The following PCDHGA1 variants were observed in gnomAD, a reference collection of about 807,000 sequenced individuals.
PCDHGA1 encodes the protein protocadherin gamma-A1.
In PCDHGA1, 32 loss-of-function variants were observed where a neutral mutation model predicts 58.0. The observed-to-expected ratio is 0.55, with a 90% CI of 0.42 to 0.74. The LOEUF is 0.74. PCDHGA1 is among the 30% of genes least tolerant of loss of function. The pLI, the probability that PCDHGA1 is intolerant of heterozygous loss-of-function variation, is 0.00. For synonymous variants in PCDHGA1, 498 were observed against 501.1 expected (o/e 0.99, Z 0.08); for missense variants, 1,205 against 1,182.3 (o/e 1.02, Z -0.28).
chr5:141,344,120 T>G (rs746958849), intron 1 of PCDHGA1: 6 of 1,613,896 alleles, frequency 3.7e-6, no homozygotes, highest in African/African-American at 1.3e-5. Flanking sequence ...CAGGATCCGG[T>G]CAGATCCGCT....
chr5:141,419,692 C>T (rs2096416788), intron 1 of PCDHGA1: 15 of 1,612,780 alleles, frequency 9.3e-6, no homozygotes, highest in Non-Finnish European at 1.3e-5. Context: ...TGGTGCAGGC[C>T]AGTGAGCCCG....
At chr5:141,438,248 C>A (rs1370527448) in intron 1 of PCDHGA1, among the ~76,000 whole-genome samples, 1 of 151,970 alleles carries the variant, frequency 6.6e-6, no homozygotes, top group Non-Finnish European at 1.5e-5. Flanking sequence ...AAAAAACTGT[C>A]ATTGAAGAGA....
chr5:141,397,820 C>G (rs2093573235), intron 1 of PCDHGA1, among the ~76,000 whole-genome samples: 1 of 152,240 alleles, frequency 6.6e-6, no homozygotes, highest in Non-Finnish European at 1.5e-5. Flanking sequence ...AAAACAATTA[C>G]TGCACTGGTT....
At chr5:141,381,975 G>A (rs1408994703) in intron 1 of PCDHGA1, among the ~76,000 whole-genome samples, 4 of 151,294 alleles carry the variant, frequency 2.6e-5, no homozygotes, top group South Asian at 2.1e-4. Flanking sequence ...GATTACAGGC[G>A]CGCGCCACCA....
At chr5:141,378,101 A>C (rs1018772587) in intron 1 of PCDHGA1, 21 of 152,208 alleles carry the variant, frequency 1.4e-4, no homozygotes, top group Admixed American at 1.0e-3. Flanking sequence ...TCAAACTCTA[A>C]AGCAGCATAG....
Position 141,415,335 on chromosome 5 carries a change from G to T in PCDHGA1, c.2422-79472G>T, listed in dbSNP as rs779617513. On this transcript the variant is annotated intron_variant, in intron 1 of 3. Coordinates refer to ENST00000517417, the MANE Select transcript of PCDHGA1 (RefSeq NM_018912.3). ...TCATCGTGCTGCTGGCGCACAGGCT[G>T]CGGCGCTGGCACAAGTCACGCCTGC... The T allele has an allele frequency of 4.3e-6, 7 of 1,614,110 alleles. No homozygotes were observed. The Admixed American group carries it at 1.2e-4, about 27-fold the overall frequency.
chr5:141,485,124 C>T lies in PCDHGA1; in HGVS notation c.2422-9683C>T. The T allele has an allele frequency of 7.2e-7, 1 of 1,390,146 alleles. No individual in the cohort carries two copies. The highest frequency in any genetic ancestry group is 1.0e-6 in the Non-Finnish European group (1 of 990,090). The allele number at this position is 1,390,146 out of a possible 1,614,324, so 86.1% of individuals were successfully genotyped here. ...GCTGCTGTGGCTGTTTGGGGCGGGT[C>T]GGCTTCATCCGCGTCTCAGGAGCAA... On this transcript the variant is annotated intron_variant, in intron 1 of 3. Coordinates refer to ENST00000517417, the MANE Select transcript of PCDHGA1 (RefSeq NM_018912.3). The surrounding 1 kb of genome is among the most constrained non-coding windows in gnomAD (Gnocchi z 5.7).
rs1409392735 is a variant in PCDHGA1, at chr5:141,331,155, G to A, written c.471G>A (p.Gly157=). 4.3e-6 allele frequency: 7 copies of A among 1,614,000 alleles called. No individual in the cohort carries two copies. The highest frequency in any genetic ancestry group is 2.7e-5 in the African/African-American group (2 of 74,926). ...GTACCAGAGTCTCATTGCCTTTTGG[G>A]CAAGACCTTGATGTGGGTATGAACT... ...TPGTRVSLPF[G]QDLDVGMNSL... Residue 157 remains glycine, a synonymous_variant, in exon 1 of 4, where the codon GGG becomes GGA. Transcript: ENST00000517417.
In PCDHGA1 at chr5:141,477,053, G is replaced by A; in HGVS notation, c.2422-17754G>A. On this transcript the variant is annotated intron_variant, in intron 1 of 3. Transcript: ENST00000517417. This position sits in a 1 kb window ranked among gnomAD's most constrained non-coding sequence, Gnocchi z 4.9. ...GACAATCAAGGGTCGGCTGGACTTC[G>A]AGGACACCAAACTCCATGAGATTTA... The A allele has an allele frequency of 1.9e-6, 3 of 1,614,230 alleles. No homozygotes were observed. The highest frequency in any genetic ancestry group is 2.5e-6 in the Non-Finnish European group (3 of 1,180,032).
chr5:141,346,897 T>C (rs1269994667), intron 1 of PCDHGA1, among the ~76,000 whole-genome samples: 3 of 152,234 alleles, frequency 2.0e-5, no homozygotes, highest in African/African-American at 7.2e-5. Context: ...CTTATCCTGA[T>C]ACATACAAGT....
chr5:141,385,626 G>T, intron 1 of PCDHGA1: 1 of 1,001,778 alleles, frequency 1.0e-6, no homozygotes, highest in Non-Finnish European at 1.3e-6. Flanking sequence ...ACATTGGAAT[G>T]AATCGAGTCT....
chr5:141,391,756 TAGTA>T (rs1440223357), intron 1 of PCDHGA1: 2 of 152,192 alleles, frequency 1.3e-5, no homozygotes, highest in African/African-American at 2.4e-5. Flanking sequence ...TTTGGCTTCT[TAGTA>T]AGTATTATAT....
intron 1 of PCDHGA1, chr5:141,392,779 T>A: frequency 6.5e-7 from 1 of 1,534,720 alleles, no homozygotes; most frequent in Non-Finnish European, 8.8e-7. Flanking sequence ...TTATGCACAG[T>A]GAAGATTCTG....
intron 1 of PCDHGA1, chr5:141,362,467 C>A (rs771966305): frequency 6.2e-7 from 1 of 1,614,052 alleles, no homozygotes; most frequent in South Asian, 1.1e-5. Flanking sequence ...GGTTCCCGCG[C>A]AAGATCTCGT....
chr5:141,348,430 A>G (rs1235207988), intron 1 of PCDHGA1, among the ~76,000 whole-genome samples: 1 of 152,186 alleles, frequency 6.6e-6, no homozygotes, highest in East Asian at 1.9e-4. Flanking sequence ...AACTTTTAAC[A>G]TATCATTTTT....
chr5:141,509,699 C>T (rs779592471), intron 3 of PCDHGA1, among the ~76,000 whole-genome samples: 4 of 152,168 alleles, frequency 2.6e-5, no homozygotes, highest in Non-Finnish European at 5.9e-5. Flanking sequence ...GGACGTTGGA[C>T]TGGAGGTGCT....
At chr5:141,382,520 G>A (rs1778262322) in intron 1 of PCDHGA1, among the ~76,000 whole-genome samples, 1 of 152,192 alleles carries the variant, frequency 6.6e-6, no homozygotes, top group South Asian at 2.1e-4. Context: ...TTAATTCAGT[G>A]TCTTAAAATG....
At chr5:141,349,073 T>C (rs993754863) in intron 1 of PCDHGA1, among the ~76,000 whole-genome samples, 1 of 151,992 alleles carries the variant, frequency 6.6e-6, no homozygotes, top group Non-Finnish European at 1.5e-5. Context: ...GAATTGGCAT[T>C]ATAGAGAATG....
At chr5:141,340,353 T>C (rs1756935897) in intron 1 of PCDHGA1, 1 of 1,614,016 alleles carries the variant, frequency 6.2e-7, no homozygotes, top group Non-Finnish European at 8.5e-7. Context: ...TCCACCTACA[T>C]TCCCGAAAAC....
Sources: allele counts gnomAD v4.1 joint callset (sites outside exome capture counted in the v4.1 genomes callset), GRCh38; gene constraint gnomAD v4.1.1; non-coding constraint Gnocchi (gnomAD v3.1); transcripts MANE v1.5; gene names NCBI Gene and HGNC (gene_info 2026-07-23, HGNC 2026-07-21).